Variants in ZNF611 observed in about 807,000 individuals in gnomAD.
The protein encoded by ZNF611 is zinc finger protein 611.
In ZNF611, 6 loss-of-function variants were observed where a neutral mutation model predicts 8.9. The observed-to-expected ratio is 0.68, with a 90% CI of 0.37 to 1.34. The LOEUF (loss-of-function observed/expected upper bound fraction) is 1.34. Among genes scored for constraint, ZNF611 ranks in the 40% most tolerant of loss-of-function variants. ZNF611 has a pLI of 0.02. For missense variants in ZNF611, 874 were observed against 841.3 expected, an observed-to-expected ratio of 1.04 and a Z score of -0.48; for synonymous variants, 262 against 279.7, an observed-to-expected ratio of 0.94 and a Z score of 0.63.
intron 3 of ZNF611, among the ~76,000 whole-genome samples, chr19:52,723,056 T>A (rs1191383053): frequency 6.6e-6 from 1 of 151,050 alleles, no homozygotes; most frequent in African/African-American, 2.4e-5. Flanking sequence ...CCCTCTTTCT[T>A]CATTACTGTG....
At position 52,724,378 on chromosome 19, in the gene ZNF611, G is replaced by A. The variant is rs531975890; in HGVS notation, c.-20+4352C>T. ...ACAGCCCTAAATCCATTAAACCTTG[G>A]GTCAACACAGCACATGTTTCTGTGA... is the stretch of plus-strand genomic sequence containing the variant. On this transcript the variant is annotated intron_variant, in intron 3 of 5. Transcript: ENST00000652185. 1.6e-4 allele frequency: 25 copies of A among 152,486 alleles called. 1 individual carries two copies. The highest frequency in any genetic ancestry group is 1.3e-3 in the Admixed American group (20 of 15,290). The allele number at this position is 152,486 out of a possible 1,614,324, so 9.4% of individuals were successfully genotyped here.
At chr19:52,718,129 T>G (rs921626732) in intron 3 of ZNF611, among the ~76,000 whole-genome samples, 1 of 151,756 alleles carries the variant, frequency 6.6e-6, no homozygotes, top group African/African-American at 2.4e-5. Context: ...ATCACAAGGT[T>G]AGGAGTTCGA....
At chr19:52,710,843 T>A (rs1270202726) in intron 5 of ZNF611, among the ~76,000 whole-genome samples, 2 of 152,024 alleles carry the variant, frequency 1.3e-5, no homozygotes, top group African/African-American at 2.4e-5. Flanking sequence ...GGTGGATGAA[T>A]CACTAGTAGA....
chr19:52,710,882 T>A (rs1341047973), intron 5 of ZNF611, among the ~76,000 whole-genome samples: 1 of 148,928 alleles, frequency 6.7e-6, no homozygotes, highest in Non-Finnish European at 1.5e-5. Flanking sequence ...AATACAGAAA[T>A]TAGCCAGGCT....
Position 52,705,010 on chromosome 19 carries a change from T to G in ZNF611, c.2045A>C (p.Glu682Ala), listed in dbSNP as rs1285160278. The change falls in exon 6 of 6, where the codon GAA (glutamate) becomes GCA (alanine). Residue 682 changes from glutamate (E) to alanine (A), a missense_variant. Coordinates refer to ENST00000652185, the MANE Select transcript of ZNF611 (RefSeq NM_001161499.2). ...TTGTTGATTAAAAGCCTTCCCACAT[T>G]CATTACACTTGTAAGGTTTCTCTGC... ...HTAEKPYKCN[E>A]CGKAFNQQSH... 6.2e-7 allele frequency: 1 copy of G among 1,614,114 alleles called. No homozygotes were observed. The highest frequency in any genetic ancestry group is 8.5e-7 in the Non-Finnish European group (1 of 1,180,050).
chr19:52,722,320 T>A (rs2062364996), intron 3 of ZNF611, among the ~76,000 whole-genome samples: 1 of 151,704 alleles, frequency 6.6e-6, no homozygotes, highest in African/African-American at 2.4e-5. Context: ...AGGTCGAGGC[T>A]GCAGTTAGAG....
intron 5 of ZNF611, among the ~76,000 whole-genome samples, chr19:52,711,660 C>A (rs973632699): frequency 1.1e-4 from 17 of 152,284 alleles, no homozygotes; most frequent in African/African-American, 3.9e-4. Context: ...CTGAAGCCAT[C>A]CCTCATGGAT....
Position 52,704,610 on chromosome 19 carries a change from T to C in ZNF611, c.*327A>G. ...TGCCACATTTATTACACTTGTAAGATCTCTCTTCATTATGGATTCTCCAAT... is the reference window on the plus strand; with the variant it reads ...TGCCACATTTATTACACTTGTAAGACCTCTCTTCATTATGGATTCTCCAAT... On this transcript the variant is annotated 3_prime_UTR_variant, in exon 6 of 6. Coordinates refer to ENST00000652185, the MANE Select transcript of ZNF611 (RefSeq NM_001161499.2). The C allele has an allele frequency of 6.3e-7, 1 of 1,580,042 alleles. No individual in the cohort carries two copies. The highest frequency in any genetic ancestry group is 8.7e-7 in the Non-Finnish European group (1 of 1,150,730).
Position 52,704,894 on chromosome 19 carries a change from G to A in ZNF611, c.*43C>T, listed in dbSNP as rs1335821161. 5 of 1,611,316 alleles carry A rather than the reference G, an allele frequency of 3.1e-6. No individual in the cohort carries two copies. Among genetic ancestry groups the A allele is most frequent in the African/African-American group, 1.3e-5 (1 of 74,730 alleles). On this transcript the variant is annotated 3_prime_UTR_variant, in exon 6 of 6. Transcript: ENST00000652185. Reference sequence around the variant, plus strand: ...AGTATAAATTCTCCTATGTCTTTAAGGTGTGATTTCCAAATGGAAACTTTG... The same window carrying A: ...AGTATAAATTCTCCTATGTCTTTAAAGTGTGATTTCCAAATGGAAACTTTG...
In ZNF611 at chr19:52,728,575, C is replaced by T. The variant is rs572851708; in HGVS notation, c.-20+155G>A. Among the ~76,000 whole-genome samples the T allele has an allele frequency of 5.1e-4, 72 of 141,602 alleles. No individual in the cohort carries two copies. In the East Asian group the frequency reaches 5.6e-3, roughly 11 times the overall value. 92.9% of individuals were successfully genotyped at this position (141,602 alleles called of 152,430 possible). A position where few individuals can be genotyped will look rare whatever the true frequency, so the allele number is the denominator to read the frequency against. ...AGAAAAGAGAAAGAAAGAATACTAC[C>T]CTCAGAAAACAGAAAATGCATTTGC... is the stretch of plus-strand genomic sequence containing the variant. On this transcript the variant is annotated intron_variant, in intron 3 of 5. Transcript: ENST00000652185.
chr19:52,711,001 C>T (rs1475130238), intron 5 of ZNF611, among the ~76,000 whole-genome samples: 1 of 150,200 alleles, frequency 6.7e-6, no homozygotes, highest in Non-Finnish European at 1.5e-5. Context: ...CCACTGCAGT[C>T]CAGCCTGGGC....
intron 3 of ZNF611, among the ~76,000 whole-genome samples, 190 bp downstream of exon 3, chr19:52,728,540 G>A (rs972202602): frequency 2.0e-5 from 3 of 150,848 alleles, no homozygotes; most frequent in South Asian, 2.1e-4. Flanking sequence ...CTCCATGTCC[G>A]AGAAAGAAAA....
chr19:52,706,098 C>T lies in ZNF611; in HGVS notation c.957G>A (p.Glu319=), dbSNP rs1332740623. Residue 319 remains glutamate, a synonymous_variant, in exon 6 of 6, where the codon GAG becomes GAA. Transcript: ENST00000652185. The part of the protein sequence containing the change: ...HTGVKRYNCN[E]CGKIFGQNSA... ...AATTTTGACCAAAGATCTTGCCACA[C>T]TCATTACAATTGTAACGTTTTACTC... 19 of 1,613,812 alleles carry T rather than the reference C, an allele frequency of 1.2e-5. No homozygotes were observed. Among genetic ancestry groups the T allele is most frequent in the Non-Finnish European group, 1.6e-5 (19 of 1,179,956 alleles).
At chr19:52,728,277 G>A (rs1036017355) in intron 3 of ZNF611, among the ~76,000 whole-genome samples, 4 of 149,834 alleles carry the variant, frequency 2.7e-5, no homozygotes, top group Admixed American at 6.7e-5. Flanking sequence ...GGTGGGTCAC[G>A]CCTGTAATCC....
In ZNF611 at chr19:52,705,411, C is replaced by T. The variant is rs758207462; in HGVS notation, c.1644G>A (p.Ala548=). 3.9e-5 allele frequency: 63 copies of T among 1,613,940 alleles called. No individual in the cohort carries two copies. In the East Asian group the frequency reaches 5.8e-4, roughly 15 times the overall value. Residue 548 remains alanine, a synonymous_variant, in exon 6 of 6, where the codon GCG becomes GCA. Transcript: ENST00000652185. ...YKCKVCDKAF[A]CHSYLAKHTR... ...TATGTTTTGCCAGATAGGAATGACA[C>T]GCAAAAGCCTTGTCACAAACCTTAC...
At chr19:52,719,093 C>A (rs539123997) in intron 3 of ZNF611, among the ~76,000 whole-genome samples, 1 of 152,080 alleles carries the variant, frequency 6.6e-6, no homozygotes, top group Non-Finnish European at 1.5e-5. Flanking sequence ...TGCTTGAACC[C>A]GGGAGGTGGA....
chr19:52,726,410 T>C (rs78558003), intron 3 of ZNF611, among the ~76,000 whole-genome samples: 17,432 of 152,114 alleles, frequency 0.11, 1,166 homozygotes, highest in Non-Finnish European at 0.14. Context: ...CTTTTTCTTT[T>C]CTTTCCTTTT....
intron 5 of ZNF611, among the ~76,000 whole-genome samples, 196 bp downstream of exon 5, chr19:52,713,819 G>A (rs1381140880): frequency 3.3e-5 from 5 of 151,970 alleles, no homozygotes; most frequent in Admixed American, 3.3e-4. Flanking sequence ...TGATCCTGAG[G>A]GGCGGAGGTT....
In ZNF611 at chr19:52,714,709, CAAA is replaced by C. The variant is rs2062304263; in HGVS notation, c.64-571_64-569del. On this transcript the variant is annotated intron_variant, in intron 4 of 5. Transcript: ENST00000652185. ...TCTCAAAAAACAAAACAAAACAAAA[CAAA>C]AAAACAATGCCGGGCAGTGACTGTC... is the stretch of plus-strand genomic sequence containing the variant. Among the ~76,000 whole-genome samples the C allele has an allele frequency of 9.1e-5, 3 of 32,798 alleles. 1 individual carries two copies. Among genetic ancestry groups the C allele is most frequent in the Non-Finnish European group, 1.6e-4 (3 of 18,504 alleles). The allele number at this position is 32,798 out of a possible 152,430, so 21.5% of individuals were successfully genotyped here.
Sources: gnomAD v4.1 joint callset for allele counts (sites outside exome capture counted in the v4.1 genomes callset) on GRCh38, gnomAD v4.1.1 for gene constraint, MANE v1.5 for transcripts, NCBI Gene and HGNC (gene_info 2026-07-23, HGNC 2026-07-21) for gene names.